The following CPSF2 variants were observed in gnomAD, a reference collection of about 807,000 sequenced individuals.
The protein encoded by CPSF2 is cleavage and polyadenylation specificity factor subunit 2.
A neutral mutation model predicts 84.2 loss-of-function variants in CPSF2; 51 were observed. That is an observed-to-expected ratio of 0.61 (90% CI 0.48 to 0.77). The LOEUF (loss-of-function observed/expected upper bound fraction) is 0.77, where lower values mean the gene tolerates loss of function less well. CPSF2 is among the 30% of genes least tolerant of loss of function. CPSF2 has a pLI of 0.00. For synonymous variants in CPSF2, 286 were observed against 311.9 expected, an observed-to-expected ratio of 0.92 and a Z score of 0.87; for missense variants, 641 against 929.4, an observed-to-expected ratio of 0.69 and a Z score of 4.03.
intron 5 of CPSF2, 117 bp from the exon 6 acceptor site, chr14:92,135,250 T>C: frequency 2.2e-6 from 2 of 921,062 alleles, no homozygotes; most frequent in Non-Finnish European, 3.1e-6. Context: ...TTTTTACTTT[T>C]GAAATTTGTA....
At chr14:92,148,259 G>A (rs1038117682) in intron 9 of CPSF2, among the ~76,000 whole-genome samples, 2 of 152,014 alleles carry the variant, frequency 1.3e-5, no homozygotes, top group African/African-American at 4.8e-5. Context: ...TACTGGATTT[G>A]CTTTATCACT....
intron 9 of CPSF2, among the ~76,000 whole-genome samples, chr14:92,143,773 T>C (rs1308104014): frequency 6.6e-6 from 1 of 152,064 alleles, no homozygotes; most frequent in Non-Finnish European, 1.5e-5. Context: ...GCCTGGCTAT[T>C]TTTTTATTTT....
In CPSF2 at chr14:92,168,184, G is replaced by A; in HGVS notation, c.*6440G>A. 6.8e-6 allele frequency: 1 copy of A among 147,162 alleles called. No homozygotes were observed. The highest frequency in any genetic ancestry group is 1.5e-5 in the Non-Finnish European group (1 of 67,506). The allele number at this position is 147,162 out of a possible 1,614,324, so 9.1% of individuals were successfully genotyped here. On this transcript the variant is annotated 3_prime_UTR_variant, in exon 16 of 16. Transcript: ENST00000298875. ...AATCGCTTGAACCCGGGATGCGGAA[G>A]TTGCAGTGAGCCAAGATCACGCCAC... is the stretch of plus-strand genomic sequence containing the variant.
intron 14 of CPSF2, 52 bp downstream of exon 14, chr14:92,159,334 A>G (rs2069337485): frequency 1.4e-6 from 2 of 1,452,040 alleles, no homozygotes; most frequent in African/African-American, 2.8e-5. Context: ...TCATCCTTCT[A>G]GTTTTCATGT....
intron 4 of CPSF2, 31 bp from the exon 5 acceptor site, chr14:92,134,219 T>C: frequency 1.9e-6 from 3 of 1,611,340 alleles, no homozygotes; most frequent in East Asian, 4.5e-5. Flanking sequence ...TCAGTGATTG[T>C]TTTTCACCTT....
At chr14:92,159,910 G>C (rs2069346854) in intron 14 of CPSF2, among the ~76,000 whole-genome samples, 1 of 151,532 alleles carries the variant, frequency 6.6e-6, no homozygotes, top group Non-Finnish European at 1.5e-5. Context: ...TCACCTGCCT[G>C]CTTCCAGTCA....
At position 92,142,985 on chromosome 14, in the gene CPSF2, A is replaced by T; in HGVS notation, c.850-19A>T. ...TAATATAGTATTTCTAATTCTTGTC[A>T]TCTTTCCCCCCATGTTAGGTAGAAT... On this transcript the variant is annotated intron_variant, in intron 8 of 15. Transcript: ENST00000298875. 6.4e-7 allele frequency: 1 copy of T among 1,572,112 alleles called. No homozygotes were observed. The highest frequency in any genetic ancestry group is 2.2e-5 in the East Asian group (1 of 44,532).
chr14:92,171,048 T>G lies in CPSF2; in HGVS notation c.*9304T>G, dbSNP rs1268012284. The G allele has an allele frequency of 6.6e-6, 1 of 152,244 alleles. No individual in the cohort carries two copies. The highest frequency in any genetic ancestry group is 2.4e-5 in the African/African-American group (1 of 41,474). 9.4% of individuals were successfully genotyped at this position (152,244 alleles called of 1,614,324 possible). The stretch of plus-strand genomic sequence containing the variant: ...ATTTTGAGACTCTCAATATCCTATT[T>G]CTCAAAATTTTACCCTTTACTTTTA... On this transcript the variant is annotated 3_prime_UTR_variant, in exon 16 of 16. Coordinates refer to ENST00000298875, the MANE Select transcript of CPSF2 (RefSeq NM_017437.3).
chr14:92,125,485 T>C (rs2068834149), intron 1 of CPSF2, among the ~76,000 whole-genome samples: 1 of 152,134 alleles, frequency 6.6e-6, no homozygotes, highest in Non-Finnish European at 1.5e-5. Flanking sequence ...GCTTTTTATC[T>C]CCCTGCTTTC....
intron 13 of CPSF2, among the ~76,000 whole-genome samples, 165 bp downstream of exon 13, chr14:92,158,049 C>G (rs1362402054): frequency 2.0e-5 from 3 of 152,116 alleles, no homozygotes; most frequent in African/African-American, 2.4e-5. Flanking sequence ...TACCATTTAT[C>G]ATGTTGTTGT....
In CPSF2 at chr14:92,157,930, G is replaced by A. The variant is rs373589453; in HGVS notation, c.1821+46G>A. On this transcript the variant is annotated intron_variant, in intron 13 of 15. Coordinates refer to ENST00000298875, the MANE Select transcript of CPSF2 (RefSeq NM_017437.3). The surrounding 1 kb of genome is among the most constrained non-coding windows in gnomAD (Gnocchi z 4.0). The stretch of plus-strand genomic sequence containing the variant: ...CATTGAGTAGAAATAAGTACTTTTT[G>A]TTGCAGGTTAGGACAGATAACATTA... 7.4e-6 allele frequency: 10 copies of A among 1,348,976 alleles called. No homozygotes were observed. The African/African-American group carries it at 1.1e-4, about 15-fold the overall frequency. 83.6% of individuals were successfully genotyped at this position (1,348,976 alleles called of 1,614,324 possible). A position where few individuals can be genotyped will look rare whatever the true frequency, so the allele number is the denominator to read the frequency against.
chr14:92,140,935 A>G (rs2069070411), intron 7 of CPSF2, among the ~76,000 whole-genome samples: 1 of 152,100 alleles, frequency 6.6e-6, no homozygotes, highest in Non-Finnish European at 1.5e-5. Flanking sequence ...AAACTGAAAA[A>G]CAAAAAAAGT....
At position 92,159,054 on chromosome 14, in the gene CPSF2, A is replaced by G; in HGVS notation, c.1893A>G (p.Ile631Met). 1.9e-6 allele frequency: 3 copies of G among 1,614,082 alleles called. No individual in the cohort carries two copies. The highest frequency in any genetic ancestry group is 1.1e-5 in the South Asian group (1 of 91,078). Residue 631 changes from isoleucine to methionine, a missense_variant, in exon 14 of 16, where the codon ATA (isoleucine) becomes ATG (methionine). This residue lies in a region of CPSF2 where 430 missense variants were observed against 553.6 expected (regional missense o/e 0.78). Coordinates refer to ENST00000298875, the MANE Select transcript of CPSF2 (RefSeq NM_017437.3). ...CKAKDAELAW[I>M]DGVLDMRVSK... is the part of the protein sequence containing the mutation. ...CAAAAGATGCTGAATTAGCTTGGAT[A>G]GATGGTGTCTTAGATATGAGAGTTT... is the stretch of plus-strand genomic sequence containing the variant.
intron 3 of CPSF2, among the ~76,000 whole-genome samples, chr14:92,133,144 G>A (rs531425381): frequency 6.6e-6 from 1 of 151,858 alleles, no homozygotes; most frequent in Admixed American, 6.6e-5. Flanking sequence ...TTATGGCCGG[G>A]CGTGGTGGCT....
chr14:92,149,634 A>G (rs1488250124), intron 9 of CPSF2, among the ~76,000 whole-genome samples: 1 of 152,058 alleles, frequency 6.6e-6, no homozygotes, highest in Non-Finnish European at 1.5e-5. Context: ...AGTTACTAAT[A>G]TTACTAAGTT....
rs1198363045 is a variant in CPSF2, at chr14:92,169,520, A to G, written c.*7776A>G. 6.6e-6 allele frequency: 1 copy of G among 152,166 alleles called. No individual in the cohort carries two copies. The highest frequency in any genetic ancestry group is 1.5e-5 in the Non-Finnish European group (1 of 68,024). The allele number at this position is 152,166 out of a possible 1,614,324, so 9.4% of individuals were successfully genotyped here. On this transcript the variant is annotated 3_prime_UTR_variant, in exon 16 of 16. Transcript: ENST00000298875. ...GTTACTATAATTTCCAACTTCACCC[A>G]TAGGTCATGGTATAGTTGAAATTTC...
chr14:92,146,161 G>A (rs2141469637), intron 9 of CPSF2, among the ~76,000 whole-genome samples: 1 of 152,284 alleles, frequency 6.6e-6, no homozygotes, highest in Middle Eastern at 3.4e-3. Flanking sequence ...TACCCTGATC[G>A]AGAAATAGAA....
Position 92,163,961 on chromosome 14 carries a change from C to A in CPSF2, c.*2217C>A, listed in dbSNP as rs1162607432. The A allele has an allele frequency of 1.3e-5, 2 of 152,362 alleles. No homozygotes were observed. 9.4% of individuals were successfully genotyped at this position (152,362 alleles called of 1,614,324 possible). A position where few individuals can be genotyped will look rare whatever the true frequency, so the allele number is the denominator to read the frequency against. On this transcript the variant is annotated 3_prime_UTR_variant, in exon 16 of 16. Transcript: ENST00000298875. ...GTTAGGCTGGCCTCAAACTCCCGAC[C>A]TCAGGTGATCCGCCCGCCTGGGCCT...
At position 92,164,627 on chromosome 14, in the gene CPSF2, T is replaced by G. The variant is rs1161591498; in HGVS notation, c.*2883T>G. 6.6e-6 allele frequency: 1 copy of G among 152,194 alleles called. No homozygotes were observed. Among genetic ancestry groups the G allele is most frequent in the Non-Finnish European group, 1.5e-5 (1 of 68,026 alleles). The allele number at this position is 152,194 out of a possible 1,614,324, so 9.4% of individuals were successfully genotyped here. A position where few individuals can be genotyped will look rare whatever the true frequency, so the allele number is the denominator to read the frequency against. On this transcript the variant is annotated 3_prime_UTR_variant, in exon 16 of 16. Coordinates refer to ENST00000298875, the MANE Select transcript of CPSF2 (RefSeq NM_017437.3). ...GCAAATAATTTGGTTAAAATGAAAT[T>G]TGATTGTAGTATTTGTTGCTGTAGG...
Sources: gnomAD v4.1 joint callset for allele counts (sites outside exome capture counted in the v4.1 genomes callset) on GRCh38, gnomAD v4.1.1 for gene constraint, gnomAD v4.1.1 regional missense constraint, Gnocchi (gnomAD v3.1) non-coding constraint, MANE v1.5 for transcripts, NCBI Gene and HGNC (gene_info 2026-07-23, HGNC 2026-07-21) for gene names.